VIPR2: variants seen among roughly 807,000 people sequenced by gnomAD.
VIPR2 encodes vasoactive intestinal peptide receptor 2, also known as vasoactive intestinal polypeptide receptor 2.
A neutral mutation model predicts 58.0 loss-of-function variants in VIPR2; 48 were observed. That is an observed-to-expected ratio of 0.83 (90% CI 0.66 to 1.05). VIPR2 has a LOEUF of 1.05. Ranked by LOEUF, VIPR2 falls within the 50% of genes least tolerant of loss-of-function variation. VIPR2 has a pLI of 0.00. For synonymous variants in VIPR2, 243 were observed against 235.2 expected, an observed-to-expected ratio of 1.03 and a Z score of -0.30; for missense variants, 534 against 558.0, an observed-to-expected ratio of 0.96 and a Z score of 0.43.
intron 4 of VIPR2, among the ~76,000 whole-genome samples, chr7:159,076,092 G>A (rs1027641890): frequency 3.9e-5 from 6 of 152,208 alleles, no homozygotes; most frequent in Non-Finnish European, 5.9e-5. Flanking sequence ...AGCTGTTCAT[G>A]TCTGGGTAAT....
chr7:159,107,656 G>A (rs1795806736), intron 3 of VIPR2, among the ~76,000 whole-genome samples: 1 of 151,628 alleles, frequency 6.6e-6, no homozygotes, highest in Non-Finnish European at 1.5e-5. Flanking sequence ...CTGCAGGGCA[G>A]GGTTAGGACC....
Position 159,036,788 on chromosome 7 carries a change from TA to T in VIPR2, c.711del (p.Arg238GlufsTer9), listed in dbSNP as rs1481023979. 4 of 1,613,586 alleles carry T rather than the reference TA, an allele frequency of 2.5e-6. No individual in the cohort carries two copies. The highest frequency in any genetic ancestry group is 1.1e-5 in the South Asian group (1 of 91,042). The stretch of plus-strand genomic sequence containing the variant: ...AGGAGGTAGGCCAGGAAGCACCTTC[TA>T]GGGGGGAGCATGGCCACCAGGAGGG... ...LHTLLVAMLP[P>X]RRCFLAYLLI... On this transcript the variant is annotated frameshift_variant, in exon 7 of 13. Transcript: ENST00000262178. LOFTEE classifies it high-confidence loss of function.
At chr7:159,144,041 G>C (rs1014963100) in intron 1 of VIPR2, among the ~76,000 whole-genome samples, 1 of 152,238 alleles carries the variant, frequency 6.6e-6, no homozygotes, top group African/African-American at 2.4e-5. Flanking sequence ...CGACGCGCAC[G>C]AAAACCGCGC....
chr7:159,054,436 G>C (rs1238398385), intron 5 of VIPR2, among the ~76,000 whole-genome samples: 1 of 152,140 alleles, frequency 6.6e-6, no homozygotes. Context: ...CGTAATACTC[G>C]TATGTAATGA....
chr7:159,140,067 G>A (rs971074658), intron 2 of VIPR2, among the ~76,000 whole-genome samples: 7 of 149,296 alleles, frequency 4.7e-5, no homozygotes, highest in African/African-American at 1.5e-4. Flanking sequence ...CTGGATTTAC[G>A]TGTTTTTTTG....
At chr7:159,110,159 A>G (rs755848052) in intron 2 of VIPR2, among the ~76,000 whole-genome samples, 10 of 152,240 alleles carry the variant, frequency 6.6e-5, no homozygotes, top group Non-Finnish European at 1.5e-4. Flanking sequence ...TCTGAATTTT[A>G]AGAGAATCAT....
At chr7:159,112,334 G>GTGGGCGCCGAGGCTGAGC (rs1287064649) in intron 2 of VIPR2, among the ~76,000 whole-genome samples, 5 of 152,236 alleles carry the variant, frequency 3.3e-5, no homozygotes, top group Admixed American at 2.6e-4. Context: ...CGAGGCTGAG[G>GTGGGCGCCGAGGCTGAGC]TAGCAGCCGG....
intron 4 of VIPR2, among the ~76,000 whole-genome samples, chr7:159,102,718 G>A (rs1415428481): frequency 6.6e-6 from 1 of 152,234 alleles, no homozygotes; most frequent in Non-Finnish European, 1.5e-5. Flanking sequence ...CCTCCAGGAG[G>A]GGCAGGCGGA....
chr7:159,048,233 C>G (rs1854769175), intron 5 of VIPR2, among the ~76,000 whole-genome samples: 1 of 152,168 alleles, frequency 6.6e-6, no homozygotes, highest in Non-Finnish European at 1.5e-5. Context: ...TTATACTGAG[C>G]TGATACAAGG....
At chr7:159,048,994 TTTTA>T in intron 5 of VIPR2, among the ~76,000 whole-genome samples, 1 of 152,238 alleles carries the variant, frequency 6.6e-6, no homozygotes, top group East Asian at 1.9e-4. Context: ...TGAACCTTAT[TTTTA>T]TTTTTTCTAT....
intron 2 of VIPR2, among the ~76,000 whole-genome samples, chr7:159,114,701 G>T (rs962830045): frequency 5.3e-5 from 8 of 152,066 alleles, no homozygotes; most frequent in Non-Finnish European, 8.8e-5. Flanking sequence ...AGCCACCCAG[G>T]AGGCTGAGGT....
chr7:159,051,024 G>A (rs1262637497), intron 5 of VIPR2, among the ~76,000 whole-genome samples: 3 of 151,736 alleles, frequency 2.0e-5, no homozygotes, highest in Non-Finnish European at 2.9e-5. Flanking sequence ...CAAAAATGAA[G>A]GCAAAATTAA....
chr7:159,144,840 G>A lies in VIPR2; in HGVS notation c.-69C>T, dbSNP rs534597047. On this transcript the variant is annotated 5_prime_UTR_variant, in exon 1 of 13. Coordinates refer to ENST00000262178, the MANE Select transcript of VIPR2 (RefSeq NM_003382.5). ...CGTCCTAGGTCCCCGCGGTTCCGCCGCCTCCAGCATGGGCCGGGAGCGAGT... is the reference window on the plus strand; with the variant it reads ...CGTCCTAGGTCCCCGCGGTTCCGCCACCTCCAGCATGGGCCGGGAGCGAGT... The A allele has an allele frequency of 3.3e-3, 3,992 of 1,212,994 alleles. 105 individuals are homozygous for A. In the African/African-American group the frequency reaches 0.056, roughly 17 times the overall value. 75.1% of individuals were successfully genotyped at this position (1,212,994 alleles called of 1,614,324 possible). A position where few individuals can be genotyped will look rare whatever the true frequency, so the allele number is the denominator to read the frequency against.
chr7:159,076,602 A>G (rs73523940), intron 4 of VIPR2, among the ~76,000 whole-genome samples: 8,181 of 152,256 alleles, frequency 0.054, 730 homozygotes, highest in African/African-American at 0.19. Context: ...GTCTATCTCT[A>G]TCTTTATGAC....
Position 159,031,902 on chromosome 7 carries a change from GCGCT to G in VIPR2, c.1101+32_1102-34del. On this transcript the variant is annotated intron_variant, in intron 11 of 12. Transcript: ENST00000262178. This position sits in a 1 kb window ranked among gnomAD's most constrained non-coding sequence, Gnocchi z 4.0. Reference sequence around the variant, plus strand: ...GAGAAGAGATGGTCAGGCAGGACCCGCGCTCGGGGGAGGGCGGCCGCCTCCGCAC... The same window carrying G: ...GAGAAGAGATGGTCAGGCAGGACCCGCGGGGGAGGGCGGCCGCCTCCGCAC... 1 of 1,614,110 alleles carries G rather than the reference GCGCT, an allele frequency of 6.2e-7. No homozygotes were observed. The highest frequency in any genetic ancestry group is 2.2e-5 in the East Asian group (1 of 44,876).
chr7:159,114,334 G>A (rs988925245), intron 2 of VIPR2, among the ~76,000 whole-genome samples: 15 of 151,956 alleles, frequency 9.9e-5, no homozygotes, highest in African/African-American at 3.4e-4. Flanking sequence ...ACTTGGAGAC[G>A]CCTGTCTGTT....
chr7:159,062,719 T>A (rs1022592728), intron 4 of VIPR2, among the ~76,000 whole-genome samples: 2 of 152,274 alleles, frequency 1.3e-5, no homozygotes, highest in South Asian at 2.1e-4. Flanking sequence ...AGAACACGAC[T>A]GCCACAGCAC....
At chr7:159,050,138 A>C (rs1433275518) in intron 5 of VIPR2, among the ~76,000 whole-genome samples, 2 of 152,102 alleles carry the variant, frequency 1.3e-5, no homozygotes, top group African/African-American at 4.8e-5. Flanking sequence ...GGAGCTTGAG[A>C]CCAGCCTGGC....
intron 4 of VIPR2, among the ~76,000 whole-genome samples, chr7:159,101,117 G>T (rs531364083): frequency 2.8e-5 from 3 of 106,016 alleles, no homozygotes; most frequent in South Asian, 3.1e-4. Context: ...AGGCGGTTCC[G>T]ACTGTTCCTG....
Sources: allele counts gnomAD v4.1 joint callset (sites outside exome capture counted in the v4.1 genomes callset), GRCh38; gene constraint gnomAD v4.1.1; non-coding constraint Gnocchi (gnomAD v3.1); transcripts MANE v1.5; gene names NCBI Gene and HGNC (gene_info 2026-07-23, HGNC 2026-07-21).